The following SCN8A variants were observed in gnomAD, a reference collection of about 807,000 sequenced individuals.
The protein encoded by SCN8A is sodium channel protein type 8 subunit alpha.
In SCN8A, 30 loss-of-function variants were observed where a neutral mutation model predicts 184.1. The observed-to-expected ratio is 0.16, with a 90% CI of 0.12 to 0.22. SCN8A has a LOEUF of 0.22. SCN8A is among the 10% of genes least tolerant of loss of function. The pLI, the probability that SCN8A is intolerant of heterozygous loss-of-function variation, is 1.00. For missense variants in SCN8A, 1,057 were observed against 2,498.9 expected, an observed-to-expected ratio of 0.42 and a Z score of 12.30; for synonymous variants, 852 against 907.0, an observed-to-expected ratio of 0.94 and a Z score of 1.09.
intron 12 of SCN8A, among the ~76,000 whole-genome samples, chr12:51,740,041 A>G (rs1380826913): frequency 1.3e-5 from 2 of 152,270 alleles, no homozygotes; most frequent in African/African-American, 4.8e-5. Context: ...CAGCAGGAGC[A>G]TGTTCTTAAG....
At chr12:51,763,599 T>G (rs1217948407) in intron 15 of SCN8A, among the ~76,000 whole-genome samples, 1 of 152,262 alleles carries the variant, frequency 6.6e-6, no homozygotes, top group East Asian at 1.9e-4. Flanking sequence ...GAGTTTGTAT[T>G]AATGTATTTG....
chr12:51,726,104 T>C (rs1204226421), intron 12 of SCN8A, among the ~76,000 whole-genome samples: 2 of 152,214 alleles, frequency 1.3e-5, no homozygotes, highest in Non-Finnish European at 2.9e-5. Context: ...TCATCAAAAA[T>C]TATTTTATAT....
At chr12:51,711,553 C>T (rs907127373) in intron 11 of SCN8A, among the ~76,000 whole-genome samples, 29 of 152,196 alleles carry the variant, frequency 1.9e-4, no homozygotes, top group African/African-American at 6.3e-4. Context: ...AACCCAGGTT[C>T]ATCCAACTCC....
Position 51,807,368 on chromosome 12 carries a change from C to T in SCN8A, c.5882C>T (p.Ala1961Val). Reference sequence around the variant, plus strand: ...CCTGAAAAGGAGAAACAGCAGCGGGCAGAGGAAGGAAGAAGGGAAAGAGCC... The same window carrying T: ...CCTGAAAAGGAGAAACAGCAGCGGGTAGAGGAAGGAAGAAGGGAAAGAGCC... ...TKPEKEKQQRAEEGRRERAKR... is the reference protein window; with the variant it reads ...TKPEKEKQQRVEEGRRERAKR... The change falls in exon 27 of 27, where the codon GCA becomes GTA. Residue 1961 changes from alanine to valine, a missense_variant. This residue lies in a region of SCN8A where 95 missense variants were observed against 140.2 expected (regional missense o/e 0.68). Transcript: ENST00000627620. This position sits in a 1 kb window ranked among gnomAD's most constrained non-coding sequence, Gnocchi z 4.5. The T allele has an allele frequency of 1.2e-6, 2 of 1,613,472 alleles. No homozygotes were observed.
intron 19 of SCN8A, among the ~76,000 whole-genome samples, chr12:51,772,675 C>G (rs1281085900): frequency 2.6e-5 from 4 of 151,898 alleles, no homozygotes; most frequent in Admixed American, 6.6e-5. Context: ...CCCTGTCCCC[C>G]CCACTGCCTG....
At chr12:51,800,200 A>G (rs1336520116) in intron 26 of SCN8A, among the ~76,000 whole-genome samples, 1 of 152,256 alleles carries the variant, frequency 6.6e-6, no homozygotes, top group Non-Finnish European at 1.5e-5. Context: ...GAATGGAGAA[A>G]AAGGCATTTG....
At chr12:51,749,011 A>G (rs1258401460) in intron 13 of SCN8A, among the ~76,000 whole-genome samples, 1 of 152,224 alleles carries the variant, frequency 6.6e-6, no homozygotes, top group Non-Finnish European at 1.5e-5. Context: ...CCAAAAGCAA[A>G]GTAAGAGAAA....
intron 1 of SCN8A, among the ~76,000 whole-genome samples, chr12:51,618,992 CA>C (rs1204455297): frequency 6.6e-6 from 1 of 152,148 alleles, no homozygotes; most frequent in Non-Finnish European, 1.5e-5. Context: ...AAGTCTTCCT[CA>C]GTTACCTACC....
chr12:51,714,353 T>C (rs984861817), intron 11 of SCN8A, among the ~76,000 whole-genome samples: 16 of 80,040 alleles, frequency 2.0e-4, no homozygotes, highest in Non-Finnish European at 3.6e-4. Context: ...CATGCATTGA[T>C]CATTTGAGAA....
intron 21 of SCN8A, among the ~76,000 whole-genome samples, chr12:51,782,514 A>G (rs1436524800): frequency 1.3e-5 from 2 of 152,278 alleles, no homozygotes; most frequent in African/African-American, 4.8e-5. Context: ...CACTGAAGAC[A>G]GTACTTGTCC....
At chr12:51,608,028 T>C (rs913170593) in intron 1 of SCN8A, among the ~76,000 whole-genome samples, 1 of 149,516 alleles carries the variant, frequency 6.7e-6, no homozygotes, top group Non-Finnish European at 1.5e-5. Context: ...TTCCTTTTTT[T>C]TTTTTTTTTT....
At chr12:51,716,877 T>C (rs1353040632) in intron 11 of SCN8A, among the ~76,000 whole-genome samples, 1 of 152,122 alleles carries the variant, frequency 6.6e-6, no homozygotes, top group Non-Finnish European at 1.5e-5. Flanking sequence ...CCCAACTACC[T>C]CCTTTATCTA....
At chr12:51,684,387 T>C (rs1941385636) in intron 3 of SCN8A, 95 bp downstream of exon 3, 3 of 723,816 alleles carry the variant, frequency 4.1e-6, no homozygotes, top group Non-Finnish European at 7.5e-6. Context: ...TGTTAAGTTT[T>C]TTACTGATAG....
chr12:51,681,774 G>A (rs534805901), intron 2 of SCN8A, among the ~76,000 whole-genome samples: 5 of 152,306 alleles, frequency 3.3e-5, no homozygotes, highest in South Asian at 2.1e-4. Flanking sequence ...AGAGAATGAC[G>A]TGACTCTGGT....
At chr12:51,657,879 C>G (rs1592360040) in intron 1 of SCN8A, among the ~76,000 whole-genome samples, 1 of 151,962 alleles carries the variant, frequency 6.6e-6, no homozygotes, top group Non-Finnish European at 1.5e-5. Context: ...GAAATTATCC[C>G]TCCCCAATGA....
chr12:51,706,886 C>T (rs1941794891), intron 11 of SCN8A, among the ~76,000 whole-genome samples, 171 bp downstream of exon 11: 1 of 152,098 alleles, frequency 6.6e-6, no homozygotes, highest in Non-Finnish European at 1.5e-5. Context: ...TTCTTCCTGG[C>T]CTCTAGTAAC....
chr12:51,625,752 G>T (rs1463744), intron 1 of SCN8A, among the ~76,000 whole-genome samples: 3,568 of 152,248 alleles, frequency 0.023, 140 homozygotes, highest in African/African-American at 0.081. Flanking sequence ...ACATAGCATT[G>T]AATTTGTTGA....
At chr12:51,621,382 G>T (rs571367727) in intron 1 of SCN8A, among the ~76,000 whole-genome samples, 8 of 152,230 alleles carry the variant, frequency 5.3e-5, no homozygotes, top group African/African-American at 1.9e-4. Context: ...TTTCCCACAG[G>T]ATAGCCAATG....
At chr12:51,803,599 A>T (rs1197790706) in intron 26 of SCN8A, among the ~76,000 whole-genome samples, 1 of 151,838 alleles carries the variant, frequency 6.6e-6, no homozygotes, top group Non-Finnish European at 1.5e-5. Context: ...CCCTTTTTCT[A>T]TGGGGACAAA....
Sources: gnomAD v4.1 joint callset for allele counts (sites outside exome capture counted in the v4.1 genomes callset) on GRCh38, gnomAD v4.1.1 for gene constraint, gnomAD v4.1.1 regional missense constraint, Gnocchi (gnomAD v3.1) non-coding constraint, MANE v1.5 for transcripts, NCBI Gene and HGNC (gene_info 2026-07-23, HGNC 2026-07-21) for gene names.